Variants in CAST observed in about 807,000 individuals in gnomAD.
CAST encodes the protein calpastatin, also known as MIR583 host.
A neutral mutation model predicts 119.6 loss-of-function variants in CAST; 76 were observed. The observed-to-expected ratio is 0.64, with a 90% CI of 0.53 to 0.77. The LOEUF is 0.77. CAST is among the 30% of genes least tolerant of loss of function. The pLI, the probability that CAST is intolerant of heterozygous loss-of-function variation, is 0.00. For missense variants in CAST, 953 were observed against 946.5 expected (o/e 1.01, Z -0.09); for synonymous variants, 319 against 331.6 (o/e 0.96, Z 0.41).
the CAST span, among the ~76,000 whole-genome samples, chr5:96,003,362 C>T: frequency 4.6e-5 from 7 of 151,870 alleles, no homozygotes; most frequent in Admixed American, 2.0e-4. Context: ...CACGGTGAAA[C>T]CCCGTCTCTA....
the CAST span, among the ~76,000 whole-genome samples, chr5:96,132,298 G>A: frequency 6.6e-6 from 1 of 152,028 alleles, no homozygotes; most frequent in African/African-American, 2.4e-5. Flanking sequence ...CATAGCAATG[G>A]CATGTATTTA....
Position 96,547,572 on chromosome 5 carries a change from T to C in CAST, c.60+17692T>C, listed in dbSNP as rs116365428. Among the ~76,000 whole-genome samples, 1,100 of 152,358 alleles carry C rather than the reference T, an allele frequency of 7.2e-3. 24 individuals are homozygous for C. Among genetic ancestry groups the C allele is most frequent in the African/African-American group, 0.025 (1,025 of 41,582 alleles). On this transcript the variant is annotated intron_variant, in intron 1 of 11. Transcript: ENST00000505143. ...TTTTATTGATTCAAATGCTAATTTCTGGAAACACCCTCACAGACACACTTA... is the reference window on the plus strand; with the variant it reads ...TTTTATTGATTCAAATGCTAATTTCCGGAAACACCCTCACAGACACACTTA...
At chr5:96,210,967 T>G in the CAST span, among the ~76,000 whole-genome samples, 1,025 of 152,126 alleles carry the variant, frequency 6.7e-3, 10 homozygotes, top group African/African-American at 0.023. Flanking sequence ...GGTGTTTATG[T>G]GTTCATTGCT....
chr5:96,016,832 T>G, the CAST span, among the ~76,000 whole-genome samples: 4 of 138,836 alleles, frequency 2.9e-5, no homozygotes, highest in African/African-American at 1.1e-4. Context: ...TATCTGGGTT[T>G]TTTTTTTTTT....
the CAST span, among the ~76,000 whole-genome samples, chr5:96,377,555 T>C: frequency 6.6e-6 from 1 of 152,204 alleles, no homozygotes; most frequent in African/African-American, 2.4e-5. Flanking sequence ...TACAACTTTG[T>C]AGCCTAGGAG....
chr5:96,143,197 T>A, the CAST span, among the ~76,000 whole-genome samples: 1 of 152,208 alleles, frequency 6.6e-6, no homozygotes, highest in Non-Finnish European at 1.5e-5. Flanking sequence ...GAGGATGTAA[T>A]AACAGTGATG....
At chr5:96,700,055 T>C (rs769842373) in intron 3 of CAST, among the ~76,000 whole-genome samples, 79 of 152,142 alleles carry the variant, frequency 5.2e-4, no homozygotes, top group Non-Finnish European at 1.0e-3. Context: ...ACAGCTCTCT[T>C]CCCAGGTTCT....
chr5:96,240,626 T>C, the CAST span, among the ~76,000 whole-genome samples: 2 of 152,020 alleles, frequency 1.3e-5, no homozygotes, highest in African/African-American at 2.4e-5. Context: ...TGCAGTGGCA[T>C]GATCATAGTT....
At chr5:96,432,762 C>T in the CAST span, 3 of 920,908 alleles carry the variant, frequency 3.3e-6, no homozygotes, top group East Asian at 5.0e-5. Flanking sequence ...CTACTCTGGG[C>T]TCTGGAGAGT....
Position 96,710,387 on chromosome 5 carries a change from T to C in CAST, c.211-12252T>C, listed in dbSNP as rs1424525510. Among the ~76,000 whole-genome samples, 5 of 152,196 alleles carry C rather than the reference T, an allele frequency of 3.3e-5. No individual in the cohort carries two copies. In the South Asian group the frequency reaches 6.2e-4, roughly 19 times the overall value. On this transcript the variant is annotated intron_variant, in intron 3 of 31. Coordinates refer to ENST00000675179, the MANE Select transcript of CAST (RefSeq NM_001750.7). ...TAAATTACCTAAAAGTGATTCTCCA[T>C]GTCTGGGAATTTTAGAATTACGTGA...
At chr5:96,550,794 A>G (rs1468546080) in intron 1 of CAST, among the ~76,000 whole-genome samples, 2 of 152,258 alleles carry the variant, frequency 1.3e-5, no homozygotes, top group Non-Finnish European at 2.9e-5. Context: ...AGCCTATTCA[A>G]TCAAGTGGAA....
chr5:96,277,324 C>A, the CAST span, among the ~76,000 whole-genome samples: 3 of 152,224 alleles, frequency 2.0e-5, no homozygotes, highest in South Asian at 6.2e-4. Context: ...ATTCCATTTC[C>A]CCACTTTCTT....
chr5:96,038,413 G>A, the CAST span, among the ~76,000 whole-genome samples: 131 of 152,162 alleles, frequency 8.6e-4, 2 homozygotes, highest in East Asian at 0.024. Context: ...GGTTACATGT[G>A]AAGAATGTGC....
chr5:96,172,168 G>A, the CAST span, among the ~76,000 whole-genome samples: 2 of 152,306 alleles, frequency 1.3e-5, no homozygotes, highest in African/African-American at 2.4e-5. Context: ...TGGCAGGGGC[G>A]GGGATCACAA....
At chr5:96,095,970 A>T in the CAST span, among the ~76,000 whole-genome samples, 2 of 152,318 alleles carry the variant, frequency 1.3e-5, no homozygotes, top group African/African-American at 4.8e-5. Flanking sequence ...TGGCCAAAAT[A>T]TAGCCAGTTT....
chr5:96,622,712 G>T (rs549199552), intron 1 of CAST, among the ~76,000 whole-genome samples: 11 of 152,206 alleles, frequency 7.2e-5, no homozygotes, highest in African/African-American at 2.6e-4. Context: ...TCTGTCTCAA[G>T]ATTTAAAAAC....
the CAST span, among the ~76,000 whole-genome samples, chr5:96,365,117 C>T: frequency 5.9e-5 from 9 of 152,156 alleles, no homozygotes; most frequent in Non-Finnish European, 1.2e-4. Context: ...GTTCAGTTTC[C>T]ATGTAGTTGA....
the CAST span, among the ~76,000 whole-genome samples, chr5:96,206,820 A>T: frequency 6.6e-6 from 1 of 152,196 alleles, no homozygotes; most frequent in East Asian, 1.9e-4. Flanking sequence ...AGTTTAAAAT[A>T]GTTTTCTCTA....
At chr5:96,761,531 T>C (rs151056001) in intron 24 of CAST, 64 of 152,406 alleles carry the variant, frequency 4.2e-4, no homozygotes, top group African/African-American at 1.5e-3. Flanking sequence ...TTGGTAAAAT[T>C]TGCAATTCTC....
Sources: allele counts gnomAD v4.1 joint callset (sites outside exome capture counted in the v4.1 genomes callset), GRCh38; gene constraint gnomAD v4.1.1; transcripts MANE v1.5; gene names NCBI Gene and HGNC (gene_info 2026-07-23, HGNC 2026-07-21).